The following TMC1 variants were observed in gnomAD, a reference collection of about 807,000 sequenced individuals.
TMC1 encodes transmembrane channel-like protein 1.
TMC1 carries 84 observed loss-of-function variants against 105.8 expected under a neutral mutation model. The ratio of observed to expected loss-of-function variants is 0.79; its 90% confidence interval spans 0.67 to 0.95. The LOEUF (loss-of-function observed/expected upper bound fraction) is 0.95. TMC1 is among the 40% of genes least tolerant of loss of function. The pLI is 0.00. For missense variants in TMC1, 817 were observed against 914.1 expected (o/e 0.89, Z 1.37); for synonymous variants, 315 against 311.5 (o/e 1.01, Z -0.12).
intron 10 of TMC1, among the ~76,000 whole-genome samples, chr9:72,747,615 G>C (rs934898231): frequency 2.0e-5 from 3 of 152,076 alleles, no homozygotes; most frequent in Non-Finnish European, 4.4e-5. Flanking sequence ...TGTTTTTTGA[G>C]ACAGAGTCTT....
intron 2 of TMC1, among the ~76,000 whole-genome samples, chr9:72,605,677 G>C (rs1371761442): frequency 1.3e-5 from 2 of 150,046 alleles, no homozygotes; most frequent in Non-Finnish European, 2.9e-5. Context: ...CCTGGCTCAA[G>C]TTCTTCTCCT....
chr9:72,762,319 C>T (rs536601356), intron 12 of TMC1, among the ~76,000 whole-genome samples: 3 of 152,168 alleles, frequency 2.0e-5, no homozygotes, highest in Non-Finnish European at 4.4e-5. Flanking sequence ...GTTTGGTCCA[C>T]TCTGGTGGGT....
At chr9:72,824,105 G>T (rs763537477) in intron 20 of TMC1, among the ~76,000 whole-genome samples, 1 of 152,266 alleles carries the variant, frequency 6.6e-6, no homozygotes, top group Non-Finnish European at 1.5e-5. Context: ...GTGAGTGCGG[G>T]ATCTGGCGAG....
chr9:72,584,373 C>T (rs1395878645), intron 2 of TMC1, among the ~76,000 whole-genome samples: 1 of 151,856 alleles, frequency 6.6e-6, no homozygotes, highest in Non-Finnish European at 1.5e-5. Context: ...TCAAACCATC[C>T]TTCCACATCA....
At chr9:72,782,246 G>A (rs988807783) in intron 13 of TMC1, among the ~76,000 whole-genome samples, 1 of 152,034 alleles carries the variant, frequency 6.6e-6, no homozygotes, top group African/African-American at 2.4e-5. Context: ...AAAAGGCTTT[G>A]GATAAAATTC....
At chr9:72,820,761 T>C (rs1364024712) in intron 19 of TMC1, 81 bp from the exon 20 acceptor site, 16 of 1,565,208 alleles carry the variant, frequency 1.0e-5, no homozygotes, top group Non-Finnish European at 1.3e-5. Flanking sequence ...AAAAGAAGCA[T>C]GATGTCAAAT....
intron 2 of TMC1, among the ~76,000 whole-genome samples, chr9:72,593,723 AAAG>A (rs900358498): frequency 5.3e-5 from 8 of 152,120 alleles, no homozygotes; most frequent in East Asian, 1.9e-4. Flanking sequence ...TAAAAAAAAA[AAAG>A]AAGAAGAAGA....
chr9:72,689,521 A>G (rs1312453697), intron 6 of TMC1, among the ~76,000 whole-genome samples: 2 of 140,088 alleles, frequency 1.4e-5, no homozygotes, highest in East Asian at 3.9e-4. Flanking sequence ...TGTTCTATCC[A>G]TTATGGAATG....
intron 5 of TMC1, among the ~76,000 whole-genome samples, chr9:72,675,997 C>G (rs1826196303): frequency 1.3e-5 from 2 of 152,062 alleles, no homozygotes; most frequent in African/African-American, 4.8e-5. Context: ...ACTGCTGGTC[C>G]TTTGTTTATT....
chr9:72,708,629 C>T (rs1353999470), intron 8 of TMC1, among the ~76,000 whole-genome samples: 1 of 151,972 alleles, frequency 6.6e-6, no homozygotes, highest in Non-Finnish European at 1.5e-5. Flanking sequence ...TATCCTGAAA[C>T]TTTGCTGAAT....
intron 1 of TMC1, among the ~76,000 whole-genome samples, chr9:72,532,254 T>TA (rs1286779085): frequency 1.3e-5 from 2 of 152,064 alleles, no homozygotes; most frequent in African/African-American, 4.8e-5. Context: ...AAAAATGCTT[T>TA]ACTGGGCTGG....
At chr9:72,601,175 C>CACACACACAG (rs1824805982) in intron 2 of TMC1, among the ~76,000 whole-genome samples, 1 of 133,894 alleles carries the variant, frequency 7.5e-6, no homozygotes, top group African/African-American at 3.2e-5. Context: ...TTTCTACACA[C>CACACACACAG]ACACACACAC....
chr9:72,810,292 A>G (rs147301666), intron 18 of TMC1, among the ~76,000 whole-genome samples: 136 of 152,290 alleles, frequency 8.9e-4, no homozygotes, highest in African/African-American at 3.2e-3. Context: ...TAGGCAGAGG[A>G]CATACTTGAG....
chr9:72,645,136 A>G (rs890299620), intron 4 of TMC1, among the ~76,000 whole-genome samples: 1 of 152,196 alleles, frequency 6.6e-6, no homozygotes, highest in African/African-American at 2.4e-5. Flanking sequence ...AAAAAAATTC[A>G]TCTTGTTTGT....
Position 72,708,402 on chromosome 9 carries a change from G to T in TMC1, c.362+7759G>T, listed in dbSNP as rs189414236. Among the ~76,000 whole-genome samples, 249 of 152,212 alleles carry T rather than the reference G, an allele frequency of 1.6e-3. 1 individual carries two copies. The highest frequency in any genetic ancestry group is 5.8e-3 in the African/African-American group (241 of 41,530). ...GATTCTACCCAACCACATTAGCATG[G>T]ATGTATTTCCATTTGTTTGTGTCAT... On this transcript the variant is annotated intron_variant, in intron 8 of 23. Coordinates refer to ENST00000297784, the MANE Select transcript of TMC1 (RefSeq NM_138691.3).
chr9:72,594,775 G>A (rs1229210826), intron 2 of TMC1, among the ~76,000 whole-genome samples: 1 of 151,916 alleles, frequency 6.6e-6, no homozygotes, highest in African/African-American at 2.4e-5. Flanking sequence ...ATGACTTGGG[G>A]GGCATGCTAC....
intron 13 of TMC1, among the ~76,000 whole-genome samples, chr9:72,777,112 A>C (rs1355775935): frequency 6.6e-6 from 1 of 152,164 alleles, no homozygotes; most frequent in African/African-American, 2.4e-5. Context: ...TTTCTAAATC[A>C]ACGAGACTTT....
At chr9:72,570,266 G>GTGTGTGT (rs1564417444) in intron 1 of TMC1, among the ~76,000 whole-genome samples, 1 of 107,156 alleles carries the variant, frequency 9.3e-6, no homozygotes, top group Non-Finnish European at 2.1e-5. Flanking sequence ...TGTGTGTGTG[G>GTGTGTGT]TAAATACTTA....
chr9:72,546,357 A>G (rs1406548620), intron 1 of TMC1, among the ~76,000 whole-genome samples: 1 of 152,216 alleles, frequency 6.6e-6, no homozygotes, highest in Non-Finnish European at 1.5e-5. Flanking sequence ...TTCTTCTGCA[A>G]AAAGTTAGAA....
Sources: gnomAD v4.1 joint callset for allele counts (sites outside exome capture counted in the v4.1 genomes callset) on GRCh38, gnomAD v4.1.1 for gene constraint, MANE v1.5 for transcripts, NCBI Gene and HGNC (gene_info 2026-07-23, HGNC 2026-07-21) for gene names.